Variants in SLC10A7 observed in about 807,000 individuals in gnomAD.
SLC10A7 encodes solute carrier family 10 member 7, also known as sodium/bile acid cotransporter 7.
SLC10A7 carries 29 observed loss-of-function variants against 43.2 expected under a neutral mutation model. The ratio of observed to expected loss-of-function variants is 0.67; its 90% CI spans 0.50 to 0.92. The LOEUF is 0.92. Ranked by LOEUF, SLC10A7 falls within the 40% of genes least tolerant of loss-of-function variation. The pLI is 0.00. For missense variants in SLC10A7, 295 were observed against 403.2 expected (o/e 0.73, Z 2.30); for synonymous variants, 152 against 144.8 (o/e 1.05, Z -0.35).
At chr4:146,488,310 G>A (rs946326237) in intron 4 of SLC10A7, among the ~76,000 whole-genome samples, 1 of 152,112 alleles carries the variant, frequency 6.6e-6, no homozygotes, top group Admixed American at 6.5e-5. Context: ...TTTTAATTCT[G>A]TATATACTGA....
intron 4 of SLC10A7, among the ~76,000 whole-genome samples, chr4:146,491,471 A>C (rs906708293): frequency 6.6e-6 from 1 of 152,114 alleles, no homozygotes; most frequent in Non-Finnish European, 1.5e-5. Flanking sequence ...TTAGTGAATA[A>C]TGATTGGCAT....
At chr4:146,421,389 A>T (rs1290599997) in intron 5 of SLC10A7, among the ~76,000 whole-genome samples, 3 of 152,122 alleles carry the variant, frequency 2.0e-5, no homozygotes, top group Admixed American at 2.0e-4. Context: ...ATTGTTGTTC[A>T]TCTGGGCTCA....
chr4:146,268,413 T>C (rs966743584), intron 10 of SLC10A7, among the ~76,000 whole-genome samples: 1 of 152,198 alleles, frequency 6.6e-6, no homozygotes, highest in Admixed American at 6.5e-5. Context: ...AAAGGAACGA[T>C]CTTTCCAGTA....
intron 5 of SLC10A7, among the ~76,000 whole-genome samples, chr4:146,367,565 A>G (rs1205114611): frequency 6.6e-6 from 1 of 152,162 alleles, no homozygotes; most frequent in Non-Finnish European, 1.5e-5. Context: ...TGCCAGTTCT[A>G]TTTTTAAACT....
chr4:146,294,909 G>A (rs1401398425), intron 7 of SLC10A7, among the ~76,000 whole-genome samples: 1 of 152,146 alleles, frequency 6.6e-6, no homozygotes, highest in Non-Finnish European at 1.5e-5. Flanking sequence ...TTTGAAAGAA[G>A]CTGTACAAGT....
Position 146,256,432 on chromosome 4 carries a change from T to C in SLC10A7, c.*59A>G, listed in dbSNP as rs567943521. 5 of 1,526,472 alleles carry C rather than the reference T, an allele frequency of 3.3e-6. No individual in the cohort carries two copies. The Admixed American group carries it at 5.3e-5, about 16-fold the overall frequency. The allele number at this position is 1,526,472 out of a possible 1,614,324, so 94.6% of individuals were successfully genotyped here. A position where few individuals can be genotyped will look rare whatever the true frequency, so the allele number is the denominator to read the frequency against. On this transcript the variant is annotated 3_prime_UTR_variant, in exon 12 of 12. Transcript: ENST00000335472. ...CATTCACAAGTACAAGTCTTCAGAA[T>C]TGCTAGTATGTACAATCCTGTACAT...
At chr4:146,444,488 C>T (rs1730865279) in intron 4 of SLC10A7, among the ~76,000 whole-genome samples, 1 of 152,088 alleles carries the variant, frequency 6.6e-6, no homozygotes, top group Admixed American at 6.6e-5. Flanking sequence ...TAATATCATA[C>T]TCATAAACAA....
At chr4:146,339,504 G>A (rs1357379538) in intron 5 of SLC10A7, among the ~76,000 whole-genome samples, 1 of 151,938 alleles carries the variant, frequency 6.6e-6, no homozygotes, top group Non-Finnish European at 1.5e-5. Context: ...AGAGGCTTCA[G>A]TCAGGAGAAG....
At chr4:146,446,406 T>C (rs1731082234) in intron 4 of SLC10A7, among the ~76,000 whole-genome samples, 1 of 151,874 alleles carries the variant, frequency 6.6e-6, no homozygotes, top group African/African-American at 2.4e-5. Context: ...GTGAAACCTG[T>C]CTCTCCTAAA....
chr4:146,410,294 A>C (rs1187420185), intron 5 of SLC10A7, among the ~76,000 whole-genome samples: 2 of 152,044 alleles, frequency 1.3e-5, no homozygotes, highest in Admixed American at 6.6e-5. Context: ...ATATCTCAAA[A>C]CTCTTCCCCA....
At chr4:146,330,513 C>G (rs1040752458) in intron 5 of SLC10A7, among the ~76,000 whole-genome samples, 5 of 152,150 alleles carry the variant, frequency 3.3e-5, no homozygotes, top group African/African-American at 1.2e-4. Context: ...GCGAACCCCT[C>G]TCTCTGTCTC....
At chr4:146,338,130 C>A (rs1458177110) in intron 5 of SLC10A7, among the ~76,000 whole-genome samples, 2 of 151,864 alleles carry the variant, frequency 1.3e-5, no homozygotes, top group Admixed American at 1.3e-4. Flanking sequence ...AATGAAAGAA[C>A]AAATGAATAG....
intron 7 of SLC10A7, among the ~76,000 whole-genome samples, chr4:146,302,360 C>T (rs1385693268): frequency 6.6e-6 from 1 of 152,170 alleles, no homozygotes; most frequent in African/African-American, 2.4e-5. Flanking sequence ...CTCACTCTTT[C>T]AGCACATATT....
intron 2 of SLC10A7, among the ~76,000 whole-genome samples, chr4:146,512,140 A>T (rs1579383335): frequency 1.3e-5 from 2 of 151,600 alleles, no homozygotes; most frequent in South Asian, 4.2e-4. Context: ...CACCCAGCTA[A>T]TTTTTGTATT....
chr4:146,484,674 T>C (rs950841191), intron 4 of SLC10A7, among the ~76,000 whole-genome samples: 1 of 152,178 alleles, frequency 6.6e-6, no homozygotes, highest in African/African-American at 2.4e-5. Flanking sequence ...GTGCCAGATA[T>C]GGGATTTATG....
At chr4:146,433,881 C>T (rs1299383720) in intron 5 of SLC10A7, among the ~76,000 whole-genome samples, 1 of 152,016 alleles carries the variant, frequency 6.6e-6, no homozygotes, top group Non-Finnish European at 1.5e-5. Flanking sequence ...ATTGGTTCAA[C>T]ATTTCCAGGG....
chr4:146,307,930 A>G (rs1409944993), intron 6 of SLC10A7, among the ~76,000 whole-genome samples: 2 of 152,186 alleles, frequency 1.3e-5, no homozygotes, highest in Non-Finnish European at 2.9e-5. Context: ...AAAAAGTATT[A>G]TATATTTACA....
In SLC10A7 at chr4:146,492,871, C is replaced by G. The variant is rs563491502; in HGVS notation, c.396+10978G>C. 8.6e-5 allele frequency among the ~76,000 whole-genome samples: 13 copies of G among 151,964 alleles called. 1 individual carries two copies. The South Asian group carries it at 2.7e-3, about 32-fold the overall frequency. On this transcript the variant is annotated intron_variant, in intron 4 of 11. Transcript: ENST00000335472. ...TTTTTTTTTCCCAAAATATTTTCATCTAAAACAACCCTGCCTACATACAAT... is the reference window on the plus strand; with the variant it reads ...TTTTTTTTTCCCAAAATATTTTCATGTAAAACAACCCTGCCTACATACAAT...
chr4:146,471,883 C>A (rs1189209503), intron 4 of SLC10A7, among the ~76,000 whole-genome samples: 1 of 152,148 alleles, frequency 6.6e-6, no homozygotes, highest in Non-Finnish European at 1.5e-5. Context: ...ACATTAAAAA[C>A]CTTGACTAAA....
Sources: gnomAD v4.1 joint callset for allele counts (sites outside exome capture counted in the v4.1 genomes callset) on GRCh38, gnomAD v4.1.1 for gene constraint, MANE v1.5 for transcripts, NCBI Gene and HGNC (gene_info 2026-07-23, HGNC 2026-07-21) for gene names.